GRM8: variants seen among roughly 807,000 people sequenced by gnomAD.
The protein encoded by GRM8 is glutamate metabotropic receptor 8.
Under a neutral mutation model 87.2 loss-of-function variants are expected in GRM8, and 47 were observed. The ratio of observed to expected loss-of-function variants is 0.54; its 90% CI spans 0.43 to 0.69. GRM8 has a LOEUF of 0.69. Ranked by LOEUF, GRM8 falls within the 30% of genes least tolerant of loss-of-function variation. GRM8 has a pLI of 0.00. For synonymous variants in GRM8, 396 were observed against 404.5 expected (o/e 0.98, Z 0.25); for missense variants, 1,019 against 1,139.2 (o/e 0.89, Z 1.52).
At chr7:126,731,503 A>G (rs1331462463) in intron 7 of GRM8, among the ~76,000 whole-genome samples, 1 of 152,146 alleles carries the variant, frequency 6.6e-6, no homozygotes, top group African/African-American at 2.4e-5. Context: ...GTAGTAAACA[A>G]AAGAGAAACA....
At chr7:126,565,119 T>C (rs1475649016) in intron 8 of GRM8, among the ~76,000 whole-genome samples, 1 of 152,028 alleles carries the variant, frequency 6.6e-6, no homozygotes, top group Non-Finnish European at 1.5e-5. Context: ...TGGTGAAAAG[T>C]TGAAAGATCG....
chr7:126,962,962 C>A (rs1246909289), intron 3 of GRM8, among the ~76,000 whole-genome samples: 1 of 152,172 alleles, frequency 6.6e-6, no homozygotes, highest in African/African-American at 2.4e-5. Context: ...TTGACCCTAA[C>A]TTCTCTTCCT....
intron 3 of GRM8, among the ~76,000 whole-genome samples, chr7:126,952,421 TG>T (rs1357306059): frequency 6.6e-6 from 1 of 151,928 alleles, no homozygotes; most frequent in Admixed American, 6.6e-5. Flanking sequence ...TAATAACAAT[TG>T]TAACTAGAAT....
At chr7:126,757,054 C>A (rs771366899) in intron 7 of GRM8, among the ~76,000 whole-genome samples, 2 of 151,966 alleles carry the variant, frequency 1.3e-5, no homozygotes, top group African/African-American at 2.4e-5. Flanking sequence ...AAAATAATTT[C>A]TTCAGCTTTA....
At chr7:127,033,911 C>T (rs762822910) in intron 3 of GRM8, among the ~76,000 whole-genome samples, 1 of 152,206 alleles carries the variant, frequency 6.6e-6, no homozygotes, top group Non-Finnish European at 1.5e-5. Flanking sequence ...CTGTGCATCA[C>T]AAATTATGGT....
chr7:126,564,918 A>G (rs1254788781), intron 8 of GRM8, among the ~76,000 whole-genome samples: 1 of 152,238 alleles, frequency 6.6e-6, no homozygotes, highest in African/African-American at 2.4e-5. Flanking sequence ...AAGGATGGCA[A>G]CATATGAAAA....
intron 5 of GRM8, among the ~76,000 whole-genome samples, 195 bp downstream of exon 5, chr7:126,903,773 GTGTA>G (rs1231333983): frequency 2.5e-5 from 3 of 118,370 alleles, no homozygotes; most frequent in African/African-American, 7.4e-5. Context: ...ATATGTGTGT[GTGTA>G]TATATATATA....
At chr7:127,245,625 A>T (rs1272985374) in intron 1 of GRM8, among the ~76,000 whole-genome samples, 1 of 152,182 alleles carries the variant, frequency 6.6e-6, no homozygotes, top group Non-Finnish European at 1.5e-5. Context: ...TCTCTTTGGC[A>T]TCTCATAGCT....
intron 3 of GRM8, among the ~76,000 whole-genome samples, chr7:126,979,867 C>G (rs1471862663): frequency 6.6e-6 from 1 of 152,252 alleles, no homozygotes; most frequent in Non-Finnish European, 1.5e-5. Context: ...GGCAAAGCCA[C>G]TGCCCTGGCA....
At chr7:126,660,728 C>A (rs369491607) in intron 7 of GRM8, among the ~76,000 whole-genome samples, 3 of 152,294 alleles carry the variant, frequency 2.0e-5, no homozygotes, top group East Asian at 3.9e-4. Context: ...ATACCCCTGA[C>A]TAATCAGGCT....
intron 2 of GRM8, among the ~76,000 whole-genome samples, chr7:127,235,863 CATATT>C (rs1489709753): frequency 6.6e-6 from 1 of 152,138 alleles, no homozygotes; most frequent in African/African-American, 2.4e-5. Context: ...TTTTCCCAAA[CATATT>C]AAGTGAAAAA....
intron 7 of GRM8, among the ~76,000 whole-genome samples, chr7:126,726,132 T>C (rs1339345621): frequency 6.6e-6 from 1 of 152,070 alleles, no homozygotes; most frequent in Non-Finnish European, 1.5e-5. Flanking sequence ...GTAATATAAT[T>C]AATACATGTT....
intron 6 of GRM8, among the ~76,000 whole-genome samples, chr7:126,829,856 A>G (rs1262423030): frequency 1.3e-5 from 2 of 151,888 alleles, no homozygotes; most frequent in African/African-American, 4.8e-5. Flanking sequence ...GTGCCTTTCC[A>G]TGTTTACTGC....
intron 8 of GRM8, among the ~76,000 whole-genome samples, chr7:126,549,390 G>C (rs561455498): frequency 6.6e-6 from 1 of 152,062 alleles, no homozygotes; most frequent in East Asian, 1.9e-4. Flanking sequence ...TAAAATTCAA[G>C]CAAGGACCCC....
At chr7:126,705,902 G>C (rs1032552604) in intron 7 of GRM8, among the ~76,000 whole-genome samples, 1 of 151,870 alleles carries the variant, frequency 6.6e-6, no homozygotes. Flanking sequence ...TTAATTTCAA[G>C]CTATTTATTA....
chr7:127,167,658 C>T (rs1429444648), intron 2 of GRM8, among the ~76,000 whole-genome samples: 2 of 152,122 alleles, frequency 1.3e-5, no homozygotes, highest in South Asian at 2.1e-4. Flanking sequence ...TGGGGTACCA[C>T]GAACTGTGCC....
At chr7:127,196,168 C>T (rs1795268837) in intron 2 of GRM8, among the ~76,000 whole-genome samples, 1 of 152,152 alleles carries the variant, frequency 6.6e-6, no homozygotes, top group African/African-American at 2.4e-5. Flanking sequence ...ACCCTAATAT[C>T]TACCATTATT....
chr7:127,139,901 G>A (rs1340269732), intron 2 of GRM8, among the ~76,000 whole-genome samples: 1 of 152,068 alleles, frequency 6.6e-6, no homozygotes, highest in Non-Finnish European at 1.5e-5. Flanking sequence ...GTCACAACTG[G>A]CGACAATGTG....
At position 127,055,147 on chromosome 7, in the gene GRM8, C is replaced by T. The variant is rs143669825; in HGVS notation, c.727+51349G>A. 2.6e-5 allele frequency among the ~76,000 whole-genome samples: 4 copies of T among 151,950 alleles called. No individual in the cohort carries two copies. The East Asian group carries it at 5.8e-4, about 22-fold the overall frequency. ...CTGCAGATGGATTTTGGTGTTGAACCTTAAAGAAACAGACAAACTGGATAT... is the reference window on the plus strand; with the variant it reads ...CTGCAGATGGATTTTGGTGTTGAACTTTAAAGAAACAGACAAACTGGATAT... On this transcript the variant is annotated intron_variant, in intron 3 of 10. Coordinates refer to ENST00000339582, the MANE Select transcript of GRM8 (RefSeq NM_000845.3).
Sources: gnomAD v4.1 joint callset for allele counts (sites outside exome capture counted in the v4.1 genomes callset) on GRCh38, gnomAD v4.1.1 for gene constraint, MANE v1.5 for transcripts, NCBI Gene and HGNC (gene_info 2026-07-23, HGNC 2026-07-21) for gene names.